The following NXPH2 variants were observed in gnomAD, a reference collection of about 807,000 sequenced individuals.
NXPH2 encodes neurexophilin-2.
Under a neutral mutation model 19.8 loss-of-function variants are expected in NXPH2, and 5 were observed. That is an observed-to-expected ratio of 0.25 (90% CI 0.13 to 0.53). The LOEUF is 0.53. Among genes scored for constraint, NXPH2 ranks in the 20% least tolerant of loss-of-function variants. NXPH2 has a pLI of 0.96. For synonymous variants in NXPH2, 154 were observed against 127.4 expected, an observed-to-expected ratio of 1.21 and a Z score of -1.41; for missense variants, 289 against 322.8, an observed-to-expected ratio of 0.90 and a Z score of 0.80.
intron 1 of NXPH2, among the ~76,000 whole-genome samples, chr2:138,776,794 A>T (rs1160899285): frequency 6.6e-6 from 1 of 152,022 alleles, no homozygotes; most frequent in Non-Finnish European, 1.5e-5. Context: ...AAATAAATAG[A>T]ATCATCAGAC....
At position 138,671,240 on chromosome 2, in the gene NXPH2, G is replaced by A. The variant is rs1470774598; in HGVS notation, c.477C>T (p.Ser159=). 2 of 1,613,696 alleles carry A rather than the reference G, an allele frequency of 1.2e-6. No homozygotes were observed. Among genetic ancestry groups the A allele is most frequent in the Non-Finnish European group, 1.7e-6 (2 of 1,179,792 alleles). The part of the protein sequence containing the change: ...NSTGLGNVSV[S]LVPPSKVVEF... Reference sequence around the variant, plus strand: ...CCACCACCTTGGAGGGTGGTACCAAGCTCACTGAAACATTGCCCAGGCCTG... The same window carrying A: ...CCACCACCTTGGAGGGTGGTACCAAACTCACTGAAACATTGCCCAGGCCTG... Residue 159 remains serine (S), a synonymous_variant, in exon 2 of 2, where the codon AGC becomes AGT. Transcript: ENST00000272641.
At chr2:138,760,295 C>A (rs531464335) in intron 1 of NXPH2, among the ~76,000 whole-genome samples, 32 of 152,234 alleles carry the variant, frequency 2.1e-4, no homozygotes, top group Admixed American at 6.5e-4. Flanking sequence ...CTCCATTGCT[C>A]CCTGTTGTAT....
chr2:138,682,956 G>A (rs111240410), intron 1 of NXPH2, among the ~76,000 whole-genome samples: 6 of 152,270 alleles, frequency 3.9e-5, no homozygotes, highest in African/African-American at 1.4e-4. Flanking sequence ...AAATATTTAG[G>A]AGGATAGTGT....
At chr2:138,692,098 T>C (rs543401199) in intron 1 of NXPH2, among the ~76,000 whole-genome samples, 4 of 152,196 alleles carry the variant, frequency 2.6e-5, no homozygotes, top group Non-Finnish European at 5.9e-5. Context: ...GTTGTCTGAA[T>C]GTGGAATGAC....
At chr2:138,716,636 T>A (rs1681199080) in intron 1 of NXPH2, among the ~76,000 whole-genome samples, 1 of 152,208 alleles carries the variant, frequency 6.6e-6, no homozygotes, top group South Asian at 2.1e-4. Context: ...TATTCGGTCC[T>A]TTTCTAGATA....
chr2:138,721,411 A>G (rs1247843567), intron 1 of NXPH2, among the ~76,000 whole-genome samples: 1 of 152,052 alleles, frequency 6.6e-6, no homozygotes, highest in Non-Finnish European at 1.5e-5. Flanking sequence ...CAGGAATTCA[A>G]TTGGAAAGAG....
At chr2:138,755,209 C>G (rs555427093) in intron 1 of NXPH2, among the ~76,000 whole-genome samples, 14 of 152,108 alleles carry the variant, frequency 9.2e-5, no homozygotes, top group Non-Finnish European at 1.2e-4. Context: ...AAGGTTCAAG[C>G]TGTCAATTTT....
At chr2:138,694,561 G>A (rs1165097602) in intron 1 of NXPH2, among the ~76,000 whole-genome samples, 1 of 152,106 alleles carries the variant, frequency 6.6e-6, no homozygotes, top group African/African-American at 2.4e-5. Flanking sequence ...GAAGGACCCT[G>A]GACTAGAGGC....
chr2:138,738,449 TTATC>T (rs1189766214), intron 1 of NXPH2, among the ~76,000 whole-genome samples: 3 of 152,184 alleles, frequency 2.0e-5, no homozygotes, highest in East Asian at 3.9e-4. Context: ...GCAAAAATCT[TTATC>T]TAGCCTTTAG....
intron 1 of NXPH2, among the ~76,000 whole-genome samples, chr2:138,704,639 T>G (rs1680981096): frequency 6.6e-6 from 1 of 151,996 alleles, no homozygotes; most frequent in African/African-American, 2.4e-5. Flanking sequence ...TCTACTGTAG[T>G]GATATTTTAA....
intron 1 of NXPH2, among the ~76,000 whole-genome samples, chr2:138,770,247 T>C (rs907099617): frequency 6.6e-6 from 1 of 152,196 alleles, no homozygotes; most frequent in Non-Finnish European, 1.5e-5. Flanking sequence ...TTTTTAATTC[T>C]AATCCCACCA....
intron 1 of NXPH2, among the ~76,000 whole-genome samples, chr2:138,774,017 A>T (rs1034481908): frequency 6.6e-6 from 1 of 152,174 alleles, no homozygotes; most frequent in South Asian, 2.1e-4. Context: ...AACTCCTGAA[A>T]CCATTGCAGT....
intron 1 of NXPH2, among the ~76,000 whole-genome samples, chr2:138,730,353 C>T (rs1681428474): frequency 6.6e-6 from 1 of 152,018 alleles, no homozygotes. Flanking sequence ...AGCCTTTGCA[C>T]CTGACCCTAA....
At chr2:138,744,017 A>ATAAAT in intron 1 of NXPH2, among the ~76,000 whole-genome samples, 1 of 151,578 alleles carries the variant, frequency 6.6e-6, no homozygotes, top group East Asian at 1.9e-4. Context: ...AAAAAAAAAA[A>ATAAAT]AAAAAGACAG....
At chr2:138,672,591 ATATT>A (rs1394017039) in intron 1 of NXPH2, among the ~76,000 whole-genome samples, 1 of 152,190 alleles carries the variant, frequency 6.6e-6, no homozygotes, top group African/African-American at 2.4e-5. Flanking sequence ...CATGGAGTGA[ATATT>A]TATGGATGAT....
At chr2:138,678,643 CCATTATT>C (rs1353333189) in intron 1 of NXPH2, among the ~76,000 whole-genome samples, 1 of 152,080 alleles carries the variant, frequency 6.6e-6, no homozygotes, top group African/African-American at 2.4e-5. Context: ...TCTGTCATCA[CCATTATT>C]CATATTGCTA....
At chr2:138,684,847 T>C (rs962881987) in intron 1 of NXPH2, among the ~76,000 whole-genome samples, 3 of 152,162 alleles carry the variant, frequency 2.0e-5, no homozygotes, top group African/African-American at 7.2e-5. Flanking sequence ...CCCTTCTCTG[T>C]CCCTATCAGT....
intron 1 of NXPH2, among the ~76,000 whole-genome samples, chr2:138,705,583 T>C (rs889282523): frequency 6.6e-6 from 1 of 152,174 alleles, no homozygotes; most frequent in Admixed American, 6.5e-5. Context: ...TTCCCTGAAT[T>C]TATTCTACAC....
chr2:138,764,871 G>T (rs1682068331), intron 1 of NXPH2, among the ~76,000 whole-genome samples: 1 of 152,156 alleles, frequency 6.6e-6, no homozygotes, highest in Non-Finnish European at 1.5e-5. Context: ...CTAAGGAAAA[G>T]CTTAGCATAG....
Sources: gnomAD v4.1 joint callset for allele counts (sites outside exome capture counted in the v4.1 genomes callset) on GRCh38, gnomAD v4.1.1 for gene constraint, MANE v1.5 for transcripts, NCBI Gene and HGNC (gene_info 2026-07-23, HGNC 2026-07-21) for gene names.